Variants in XRRA1 observed in about 807,000 individuals in gnomAD.
The protein encoded by XRRA1 is X-ray radiation resistance-associated protein 1.
Under a neutral mutation model 80.2 loss-of-function variants are expected in XRRA1, and 69 were observed. The observed-to-expected ratio is 0.86, with a 90% confidence interval of 0.71 to 1.05. XRRA1 has a LOEUF of 1.05. XRRA1 is among the 50% of genes least tolerant of loss of function. The pLI is 0.00. For synonymous variants in XRRA1, 348 were observed against 389.9 expected (o/e 0.89, Z 1.27); for missense variants, 967 against 976.4 (o/e 0.99, Z 0.13).
chr11:74,882,816 G>C (rs1204273433), intron 10 of XRRA1, among the ~76,000 whole-genome samples: 1 of 152,228 alleles, frequency 6.6e-6, no homozygotes, highest in East Asian at 1.9e-4. Flanking sequence ...TCCCAGTTAG[G>C]CTGCTTGGGG....
intron 10 of XRRA1, among the ~76,000 whole-genome samples, chr11:74,896,675 G>T (rs969237392): frequency 6.6e-6 from 1 of 152,168 alleles, no homozygotes; most frequent in Non-Finnish European, 1.5e-5. Flanking sequence ...CAGTGGTGGG[G>T]GCCACAGGGG....
chr11:74,926,189 C>T (rs2139193406), intron 7 of XRRA1, among the ~76,000 whole-genome samples: 1 of 152,276 alleles, frequency 6.6e-6, no homozygotes, highest in East Asian at 1.9e-4. Flanking sequence ...GGTTCCATTA[C>T]AGTCAGCAGA....
intron 12 of XRRA1, among the ~76,000 whole-genome samples, chr11:74,854,671 GGGCCCATGGCCCAAATCT>G (rs1282474897): frequency 6.6e-6 from 1 of 151,910 alleles, no homozygotes; most frequent in Non-Finnish European, 1.5e-5. Context: ...AACCAGGATT[GGGCCCATGGCCCAAATCT>G]GGCCCATGAT....
rs145427950 is a variant in XRRA1, at chr11:74,933,626, G to C, written c.351+175C>G. ...TATAAAATTTGTAGCAAAAGTTTGT[G>C]TCTGAATATTGTTTCAACCCAATAA... is the stretch of plus-strand genomic sequence containing the variant. On this transcript the variant is annotated intron_variant, in intron 5 of 18. Transcript: ENST00000684022. 107 of 578,374 alleles carry C rather than the reference G, an allele frequency of 1.9e-4. No homozygotes were observed. The Admixed American group carries it at 3.2e-3, about 17-fold the overall frequency. 35.8% of individuals were successfully genotyped at this position (578,374 alleles called of 1,614,324 possible).
In XRRA1 at chr11:74,843,151, G is replaced by C. The variant is rs984410293; in HGVS notation, c.*49C>G. ...CGGTCCAGGGCACAGAGCCCTCGGGGAGAGCTGGGGCACAGGCCGGGTGGT... is the reference window on the plus strand; with the variant it reads ...CGGTCCAGGGCACAGAGCCCTCGGGCAGAGCTGGGGCACAGGCCGGGTGGT... On this transcript the variant is annotated 3_prime_UTR_variant, in exon 19 of 19. Coordinates refer to ENST00000684022, the MANE Select transcript of XRRA1 (RefSeq NM_001378157.1). 1 of 1,513,908 alleles carries C rather than the reference G, an allele frequency of 6.6e-7. No homozygotes were observed. Among genetic ancestry groups the C allele is most frequent in the Non-Finnish European group, 8.9e-7 (1 of 1,126,658 alleles). 93.8% of individuals were successfully genotyped at this position (1,513,908 alleles called of 1,614,324 possible). A position where few individuals can be genotyped will look rare whatever the true frequency, so the allele number is the denominator to read the frequency against.
At chr11:74,931,871 C>T (rs1338128731) in intron 5 of XRRA1, 2 of 152,180 alleles carry the variant, frequency 1.3e-5, no homozygotes, top group Non-Finnish European at 2.9e-5. Flanking sequence ...TACAGTCCTA[C>T]CTGCAGTGTA....
Position 74,940,081 on chromosome 11 carries a change from C to T in XRRA1, c.94+704G>A, listed in dbSNP as rs1946008216. Among the ~76,000 whole-genome samples the T allele has an allele frequency of 2.0e-5, 3 of 152,210 alleles. No homozygotes were observed. The South Asian group carries it at 6.2e-4, about 32-fold the overall frequency. The stretch of plus-strand genomic sequence containing the variant: ...CAGAGTGACCAACAAGTTACAACAT[C>T]TGGAGTAAACAAGGTTTACTTCTCC... On this transcript the variant is annotated intron_variant, in intron 3 of 18. Coordinates refer to ENST00000684022, the MANE Select transcript of XRRA1 (RefSeq NM_001378157.1).
intron 10 of XRRA1, among the ~76,000 whole-genome samples, chr11:74,889,623 G>T (rs2050092003): frequency 6.6e-6 from 1 of 152,184 alleles, no homozygotes. Flanking sequence ...TCGATAAAGA[G>T]TCAAGAACCA....
intron 1 of XRRA1, among the ~76,000 whole-genome samples, chr11:74,945,802 T>TCACA (rs149455628): frequency 4.6e-5 from 7 of 150,860 alleles, no homozygotes; most frequent in South Asian, 2.1e-4. Context: ...TCTCTCTCTC[T>TCACA]CACACACACA....
At chr11:74,865,271 C>T (rs2043152995) in intron 10 of XRRA1, among the ~76,000 whole-genome samples, 2 of 152,174 alleles carry the variant, frequency 1.3e-5, no homozygotes, top group Admixed American at 1.3e-4. Context: ...GCCTCTACCT[C>T]ACAGCAGATC....
intron 10 of XRRA1, among the ~76,000 whole-genome samples, chr11:74,869,917 G>A (rs2044368710): frequency 6.6e-6 from 1 of 152,072 alleles, no homozygotes; most frequent in African/African-American, 2.4e-5. Flanking sequence ...TGTGTGCCCA[G>A]GTCCTTGATT....
At chr11:74,894,206 A>C (rs1250519454) in intron 10 of XRRA1, among the ~76,000 whole-genome samples, 1 of 152,190 alleles carries the variant, frequency 6.6e-6, no homozygotes, top group Non-Finnish European at 1.5e-5. Context: ...TGGGAGCTAA[A>C]CATCAAGTAC....
At chr11:74,875,315 G>A (rs2045801162) in intron 10 of XRRA1, among the ~76,000 whole-genome samples, 1 of 152,110 alleles carries the variant, frequency 6.6e-6, no homozygotes, top group Non-Finnish European at 1.5e-5. Context: ...ATCTGGGAAG[G>A]CTCCATAAGA....
intron 14 of XRRA1, chr11:74,850,772 G>GCGATC (rs2039607299): frequency 6.0e-6 from 1 of 166,530 alleles, no homozygotes; most frequent in Non-Finnish European, 1.3e-5. Context: ...CTGCCCTCAA[G>GCGATC]CGATCCTCTC....
intron 4 of XRRA1, among the ~76,000 whole-genome samples, chr11:74,934,094 T>G (rs899293558): frequency 6.6e-6 from 1 of 152,214 alleles, no homozygotes; most frequent in African/African-American, 2.4e-5. Context: ...TTAACAAACT[T>G]TCTTCTAATC....
At chr11:74,887,430 G>C (rs1418848479) in intron 10 of XRRA1, among the ~76,000 whole-genome samples, 1 of 151,796 alleles carries the variant, frequency 6.6e-6, no homozygotes, top group Non-Finnish European at 1.5e-5. Context: ...TTCAAAAGAA[G>C]ACATAGTGGG....
At chr11:74,928,982 T>A (rs1360112636) in intron 6 of XRRA1, among the ~76,000 whole-genome samples, 6 of 152,186 alleles carry the variant, frequency 3.9e-5, no homozygotes, top group Non-Finnish European at 8.8e-5. Context: ...AAACAGTATC[T>A]TGATCCACTG....
intron 10 of XRRA1, among the ~76,000 whole-genome samples, chr11:74,879,770 T>C (rs1590921518): frequency 6.7e-6 from 1 of 148,248 alleles, no homozygotes; most frequent in Non-Finnish European, 1.5e-5. Flanking sequence ...ATTACATTTA[T>C]TGATTTGCGT....
chr11:74,853,057 T>C (rs2135613892), intron 12 of XRRA1, among the ~76,000 whole-genome samples: 1 of 152,322 alleles, frequency 6.6e-6, no homozygotes, highest in East Asian at 1.9e-4. Context: ...ACCTACCATG[T>C]CCCAGGCACT....
Sources: allele counts gnomAD v4.1 joint callset (sites outside exome capture counted in the v4.1 genomes callset), GRCh38; gene constraint gnomAD v4.1.1; transcripts MANE v1.5; gene names NCBI Gene and HGNC (gene_info 2026-07-23, HGNC 2026-07-21).